GRIK2: variants seen among roughly 807,000 people sequenced by gnomAD.
The protein encoded by GRIK2 is glutamate ionotropic receptor kainate type subunit 2.
In GRIK2, 32 loss-of-function variants were observed where a neutral mutation model predicts 100.3. The observed-to-expected ratio is 0.32, with a 90% CI of 0.24 to 0.43. The LOEUF is 0.43. GRIK2 is among the 20% of genes least tolerant of loss of function. The probability of loss-of-function intolerance (pLI) is 1.00; values close to 1 mark genes in which losing one functional copy is unlikely to be tolerated. For missense variants in GRIK2, 843 were observed against 1,114.9 expected, an observed-to-expected ratio of 0.76 and a Z score of 3.47; for synonymous variants, 417 against 389.4, an observed-to-expected ratio of 1.07 and a Z score of -0.83.
chr6:101,672,145 T>A (rs966494876), intron 4 of GRIK2, among the ~76,000 whole-genome samples: 3 of 152,168 alleles, frequency 2.0e-5, no homozygotes, highest in Non-Finnish European at 2.9e-5. Flanking sequence ...GTTTGTATTT[T>A]ACCTCCCTCC....
At chr6:101,595,063 G>C (rs1024026644) in intron 2 of GRIK2, among the ~76,000 whole-genome samples, 4 of 151,522 alleles carry the variant, frequency 2.6e-5, no homozygotes, top group Non-Finnish European at 5.9e-5. Flanking sequence ...GAAACCTCAA[G>C]TAGGCATTCA....
intron 12 of GRIK2, among the ~76,000 whole-genome samples, chr6:101,898,147 A>G (rs1787595472): frequency 6.6e-6 from 1 of 151,904 alleles, no homozygotes; most frequent in Non-Finnish European, 1.5e-5. Flanking sequence ...ATACATATAT[A>G]GCAGCCCCCA....
intron 13 of GRIK2, among the ~76,000 whole-genome samples, chr6:101,926,100 C>A (rs1188252982): frequency 6.6e-6 from 1 of 151,044 alleles, no homozygotes; most frequent in Non-Finnish European, 1.5e-5. Flanking sequence ...CATGAGCTAA[C>A]CTAAGTTTGT....
intron 4 of GRIK2, among the ~76,000 whole-genome samples, chr6:101,675,732 A>C (rs898969214): frequency 1.3e-5 from 2 of 152,188 alleles, no homozygotes; most frequent in Non-Finnish European, 2.9e-5. Context: ...TTTAATTATC[A>C]GGTACTTCTC....
intron 4 of GRIK2, among the ~76,000 whole-genome samples, chr6:101,664,219 A>G (rs989825360): frequency 2.0e-5 from 3 of 152,152 alleles, no homozygotes; most frequent in Non-Finnish European, 4.4e-5. Context: ...CCAACTTTTT[A>G]TCTGCCCCAT....
Position 101,721,470 on chromosome 6 carries a change from G to A in GRIK2, c.951+35117G>A, listed in dbSNP as rs1222963. On this transcript the variant is annotated intron_variant, in intron 7 of 16. Coordinates refer to ENST00000369134, the MANE Select transcript of GRIK2 (RefSeq NM_021956.5). ...GCTACTTGGGAGGCTGAGATGGGAG[G>A]ATCACCTGAGCCCAGGGAGGTAGAG... Among the ~76,000 whole-genome samples, 915 of 151,796 alleles carry A rather than the reference G, an allele frequency of 6.0e-3. 7 individuals are homozygous for A. Among genetic ancestry groups the A allele is most frequent in the African/African-American group, 0.021 (886 of 41,422 alleles).
Position 101,682,550 on chromosome 6 carries a change from T to C in GRIK2, c.724-3T>C, listed in dbSNP as rs781390794. 3 of 1,283,094 alleles carry C rather than the reference T, an allele frequency of 2.3e-6. No homozygotes were observed. The highest frequency in any genetic ancestry group is 2.5e-5 in the South Asian group (2 of 81,236). The allele number at this position is 1,283,094 out of a possible 1,614,324, so 79.5% of individuals were successfully genotyped here. A position where few individuals can be genotyped will look rare whatever the true frequency, so the allele number is the denominator to read the frequency against. On this transcript the variant is annotated splice_polypyrimidine_tract_variant and splice_region_variant and intron_variant, in intron 5 of 16. Transcript: ENST00000369134. ...ACCTTCAGTAATTTTTTTTTTTCCT[T>C]AGGCATTAGCTATGGGAATGATGAC...
At chr6:101,746,087 T>A (rs1776404164) in intron 7 of GRIK2, among the ~76,000 whole-genome samples, 1 of 152,184 alleles carries the variant, frequency 6.6e-6, no homozygotes. Context: ...AGGCATTAAA[T>A]TGCCAGCCAG....
At chr6:101,664,111 G>A (rs141456424) in intron 4 of GRIK2, among the ~76,000 whole-genome samples, 1 of 152,300 alleles carries the variant, frequency 6.6e-6, no homozygotes, top group African/African-American at 2.4e-5. Flanking sequence ...AGTTATGGGA[G>A]ACAATGAGTT....
chr6:101,888,571 C>G (rs1031789236), intron 11 of GRIK2, among the ~76,000 whole-genome samples: 2 of 152,110 alleles, frequency 1.3e-5, no homozygotes, highest in South Asian at 2.1e-4. Context: ...CAAAGATACT[C>G]TTTCCAAGCA....
intron 14 of GRIK2, among the ~76,000 whole-genome samples, chr6:101,981,208 A>T (rs778939349): frequency 2.0e-5 from 3 of 151,892 alleles, no homozygotes; most frequent in Non-Finnish European, 4.4e-5. Flanking sequence ...AAATATATTT[A>T]TCTTTTTTGG....
intron 11 of GRIK2, among the ~76,000 whole-genome samples, chr6:101,871,488 T>C (rs916232911): frequency 4.6e-5 from 7 of 151,016 alleles, no homozygotes; most frequent in Admixed American, 1.3e-4. Context: ...ACCCCGATAG[T>C]GAGCATCACA....
At chr6:101,568,741 T>G (rs991530638) in intron 2 of GRIK2, among the ~76,000 whole-genome samples, 2 of 152,108 alleles carry the variant, frequency 1.3e-5, no homozygotes, top group African/African-American at 4.8e-5. Flanking sequence ...AAAATTTGCC[T>G]TCAACACATT....
At chr6:101,650,201 T>G (rs1781720408) in intron 4 of GRIK2, among the ~76,000 whole-genome samples, 1 of 152,100 alleles carries the variant, frequency 6.6e-6, no homozygotes. Context: ...TTTAAAATAC[T>G]AATAATTCCA....
intron 2 of GRIK2, among the ~76,000 whole-genome samples, chr6:101,590,210 A>C (rs666856): frequency 0.38 from 57,970 of 151,864 alleles, 12,067 homozygotes; most frequent in African/African-American, 0.56. Context: ...TGCTTATGGC[A>C]TCTCAGCTCC....
intron 4 of GRIK2, among the ~76,000 whole-genome samples, chr6:101,647,131 T>A (rs1029111172): frequency 2.0e-5 from 3 of 151,986 alleles, no homozygotes; most frequent in African/African-American, 7.2e-5. Context: ...AGAATAAGGA[T>A]TTAAACCCAA....
intron 2 of GRIK2, among the ~76,000 whole-genome samples, chr6:101,595,710 G>GTATATATATA (rs1380908125): frequency 1.3e-4 from 17 of 125,956 alleles, no homozygotes; most frequent in South Asian, 5.8e-4. Flanking sequence ...GTGTGTGTGT[G>GTATATATATA]TGTGTGTGTA....
At chr6:101,879,044 C>T (rs1043772796) in intron 11 of GRIK2, among the ~76,000 whole-genome samples, 4 of 152,026 alleles carry the variant, frequency 2.6e-5, no homozygotes, top group South Asian at 2.1e-4. Context: ...GCCACTACCA[C>T]GTGGTGTGCT....
At chr6:101,844,598 G>A (rs2128436636) in intron 10 of GRIK2, among the ~76,000 whole-genome samples, 1 of 152,154 alleles carries the variant, frequency 6.6e-6, no homozygotes, top group African/African-American at 2.4e-5. Flanking sequence ...AAATAATTTG[G>A]TCCAGATTTT....
Sources: gnomAD v4.1 joint callset for allele counts (sites outside exome capture counted in the v4.1 genomes callset) on GRCh38, gnomAD v4.1.1 for gene constraint, MANE v1.5 for transcripts, NCBI Gene and HGNC (gene_info 2026-07-23, HGNC 2026-07-21) for gene names.